Variants in RNF180 observed in about 807,000 individuals in gnomAD.
RNF180 encodes the protein E3 ubiquitin-protein ligase RNF180.
A neutral mutation model predicts 59.2 loss-of-function variants in RNF180; 38 were observed. That is an observed-to-expected ratio of 0.64 (90% CI 0.50 to 0.84). The LOEUF is 0.84. RNF180 is among the 40% of genes least tolerant of loss of function. RNF180 has a pLI of 0.00. For synonymous variants in RNF180, 262 were observed against 240.3 expected (o/e 1.09, Z -0.84); for missense variants, 705 against 700.9 (o/e 1.01, Z -0.07).
At chr5:64,177,015 A>G (rs933398511) in intron 1 of RNF180, among the ~76,000 whole-genome samples, 1 of 152,210 alleles carries the variant, frequency 6.6e-6, no homozygotes, top group East Asian at 1.9e-4. Flanking sequence ...AATTAACTGC[A>G]TAAGGAGAAC....
At chr5:64,183,036 A>G (rs367854424) in intron 1 of RNF180, among the ~76,000 whole-genome samples, 8 of 152,176 alleles carry the variant, frequency 5.3e-5, no homozygotes, top group East Asian at 3.8e-4. Flanking sequence ...AGGACAACCA[A>G]TGATGTTTGT....
chr5:64,309,851 T>A (rs1424912102), intron 5 of RNF180, among the ~76,000 whole-genome samples: 1 of 151,694 alleles, frequency 6.6e-6, no homozygotes, highest in Non-Finnish European at 1.5e-5. Context: ...CAGTGTCAGG[T>A]TGACTGGCTT....
At chr5:64,297,485 A>ATTTTAAAT (rs1742946031) in intron 5 of RNF180, among the ~76,000 whole-genome samples, 4 of 151,850 alleles carry the variant, frequency 2.6e-5, no homozygotes, top group African/African-American at 9.7e-5. Context: ...GTTGATTTTT[A>ATTTTAAAT]TTTTAAATTT....
chr5:64,323,714 G>T (rs978312004), intron 5 of RNF180, among the ~76,000 whole-genome samples: 6 of 152,066 alleles, frequency 3.9e-5, no homozygotes, highest in African/African-American at 1.4e-4. Context: ...AAGTATGGCC[G>T]TGGCTAACAT....
intron 5 of RNF180, among the ~76,000 whole-genome samples, chr5:64,297,953 AG>A (rs1266766314): frequency 6.6e-6 from 1 of 152,050 alleles, no homozygotes; most frequent in Non-Finnish European, 1.5e-5. Flanking sequence ...CAGGTTTGTT[AG>A]AAATGTGTGT....
rs77605856 is a variant in RNF180, at chr5:64,276,393, T to G, written c.1228-48793T>G. On this transcript the variant is annotated intron_variant, in intron 5 of 7. Transcript: ENST00000389100. The stretch of plus-strand genomic sequence containing the variant: ...CACATTGGTGTGTGTGTGTGTGTGT[T>G]TATTTATTTTCTCCACAAAGAAACA... 2.7e-3 allele frequency among the ~76,000 whole-genome samples: 293 copies of G among 107,090 alleles called. 2 individuals are homozygous for G. The highest frequency in any genetic ancestry group is 0.019 in the Middle Eastern group (4 of 210). 70.3% of individuals were successfully genotyped at this position (107,090 alleles called of 152,430 possible). A position where few individuals can be genotyped will look rare whatever the true frequency, so the allele number is the denominator to read the frequency against.
chr5:64,362,251 C>G (rs569304824), intron 7 of RNF180, among the ~76,000 whole-genome samples: 2 of 151,604 alleles, frequency 1.3e-5, no homozygotes, highest in South Asian at 4.2e-4. Context: ...CCTTTGCCTT[C>G]TGATAGGCCC....
chr5:64,220,985 T>G (rs932820693), intron 5 of RNF180, among the ~76,000 whole-genome samples: 2 of 152,068 alleles, frequency 1.3e-5, no homozygotes, highest in Admixed American at 1.3e-4. Flanking sequence ...AAGACCTGCT[T>G]ATTTGGTTTT....
intron 7 of RNF180, among the ~76,000 whole-genome samples, chr5:64,366,094 G>A (rs2112615486): frequency 6.6e-6 from 1 of 151,710 alleles, no homozygotes; most frequent in East Asian, 1.9e-4. Flanking sequence ...AGTTTTTGCA[G>A]TGGGTGATAA....
intron 5 of RNF180, among the ~76,000 whole-genome samples, chr5:64,280,600 A>G (rs987634412): frequency 6.6e-5 from 10 of 151,332 alleles, no homozygotes; most frequent in African/African-American, 2.4e-4. Flanking sequence ...GACTTTGTTG[A>G]AGATCAGATG....
At chr5:64,260,404 T>G (rs1744263234) in intron 5 of RNF180, among the ~76,000 whole-genome samples, 1 of 152,224 alleles carries the variant, frequency 6.6e-6, no homozygotes, top group Admixed American at 6.5e-5. Flanking sequence ...AGAATAGTCT[T>G]TCTTTTGAAG....
intron 1 of RNF180, among the ~76,000 whole-genome samples, chr5:64,183,088 T>G (rs1344841946): frequency 6.6e-6 from 1 of 152,234 alleles, no homozygotes; most frequent in Non-Finnish European, 1.5e-5. Context: ...CTTAGAATTC[T>G]CTGTCAAAAC....
chr5:64,274,677 C>G (rs1397534388), intron 5 of RNF180, among the ~76,000 whole-genome samples: 1 of 151,960 alleles, frequency 6.6e-6, no homozygotes, highest in East Asian at 1.9e-4. Context: ...ACAAATCGTG[C>G]AGATTTGGAG....
At chr5:64,201,623 G>A (rs185557293) in intron 2 of RNF180, among the ~76,000 whole-genome samples, 2 of 152,252 alleles carry the variant, frequency 1.3e-5, no homozygotes, top group East Asian at 1.9e-4. Context: ...TTTGGTTTTC[G>A]TTTGTTTCGT....
At chr5:64,342,265 A>G (rs1310459016) in intron 7 of RNF180, among the ~76,000 whole-genome samples, 1 of 152,074 alleles carries the variant, frequency 6.6e-6, no homozygotes, top group African/African-American at 2.4e-5. Context: ...GGTGAATTAA[A>G]ACTCCAGTAT....
In RNF180 at chr5:64,213,929, A is replaced by G. The variant is rs764330755; in HGVS notation, c.603A>G (p.Lys201=). ...FEMKNEKLLS[K]ASEPKYQLFV... ...TGAAGAACGAAAAACTGCTGTCCAA[A>G]GCATCAGAACCAAAATACCAGCTTT... The change falls in exon 4 of 8, where the codon AAA becomes AAG. Residue 201 remains lysine (K), a synonymous_variant. Coordinates refer to ENST00000389100, the MANE Select transcript of RNF180 (RefSeq NM_001113561.2). 2 of 1,614,122 alleles carry G rather than the reference A, an allele frequency of 1.2e-6. No individual in the cohort carries two copies. The highest frequency in any genetic ancestry group is 3.3e-5 in the Admixed American group (2 of 59,950).
chr5:64,169,527 A>T (rs904912182), intron 1 of RNF180, among the ~76,000 whole-genome samples: 1 of 152,232 alleles, frequency 6.6e-6, no homozygotes, highest in African/African-American at 2.4e-5. Flanking sequence ...TATCAGAAAG[A>T]TAATACCAAG....
intron 3 of RNF180, 62 bp downstream of exon 3, chr5:64,212,222 CT>C: frequency 1.0e-6 from 1 of 970,434 alleles, no homozygotes; most frequent in Non-Finnish European, 1.7e-6. Flanking sequence ...TTTTGTCCTC[CT>C]TTTAGAGCTA....
chr5:64,359,663 T>G (rs1449001092), intron 7 of RNF180, among the ~76,000 whole-genome samples: 168 of 150,972 alleles, frequency 1.1e-3, no homozygotes, highest in African/African-American at 3.5e-3. Context: ...GTCAATTTTG[T>G]CTTTTGTTGC....
Sources: allele counts gnomAD v4.1 joint callset (sites outside exome capture counted in the v4.1 genomes callset), GRCh38; gene constraint gnomAD v4.1.1; transcripts MANE v1.5; gene names NCBI Gene and HGNC (gene_info 2026-07-23, HGNC 2026-07-21).